Variants in HS3ST5 observed in about 807,000 individuals in gnomAD.
HS3ST5 encodes heparan sulfate glucosamine 3-O-sulfotransferase 5.
A neutral mutation model predicts 25.4 loss-of-function variants in HS3ST5; 10 were observed. The ratio of observed to expected loss-of-function variants is 0.39; its 90% CI spans 0.24 to 0.67. The LOEUF is 0.67. HS3ST5 is among the 30% of genes least tolerant of loss of function. HS3ST5 has a pLI of 0.44. For synonymous variants in HS3ST5, 170 were observed against 162.4 expected, an observed-to-expected ratio of 1.05 and a Z score of -0.36; for missense variants, 324 against 420.7, an observed-to-expected ratio of 0.77 and a Z score of 2.01.
At chr6:114,302,551 A>C (rs939507850) in intron 1 of HS3ST5, among the ~76,000 whole-genome samples, 1 of 152,230 alleles carries the variant, frequency 6.6e-6, no homozygotes, top group Admixed American at 6.5e-5. Context: ...ATGTGTAATA[A>C]TGAAAATTCT....
At chr6:114,177,387 C>T (rs777960454) in intron 2 of HS3ST5, among the ~76,000 whole-genome samples, 6 of 152,162 alleles carry the variant, frequency 3.9e-5, no homozygotes, top group Non-Finnish European at 7.3e-5. Flanking sequence ...TTCCTAAAGT[C>T]TTGACATTTT....
At chr6:114,101,698 G>A (rs1340181990) in intron 3 of HS3ST5, among the ~76,000 whole-genome samples, 1 of 152,026 alleles carries the variant, frequency 6.6e-6, no homozygotes, top group African/African-American at 2.4e-5. Flanking sequence ...CCCATTATTG[G>A]GTACATATCC....
intron 3 of HS3ST5, among the ~76,000 whole-genome samples, chr6:114,064,738 T>C (rs2114713038): frequency 6.6e-6 from 1 of 152,306 alleles, no homozygotes; most frequent in East Asian, 1.9e-4. Flanking sequence ...TAATGCATAC[T>C]TACAAATTGT....
At position 114,341,222 on chromosome 6, in the gene HS3ST5, G is replaced by GGAGAGAGAGAGAGAGAGAGAGAGAGA. The variant is rs4034605; in HGVS notation, c.-339+947_-339+972dup. Among the ~76,000 whole-genome samples, 16 of 46,630 alleles carry GGAGAGAGAGAGAGAGAGAGAGAGAGA rather than the reference G, an allele frequency of 3.4e-4. 1 individual carries two copies. Among genetic ancestry groups the GGAGAGAGAGAGAGAGAGAGAGAGAGA allele is most frequent in the African/African-American group, 8.7e-4 (7 of 8,026 alleles). The allele number at this position is 46,630 out of a possible 152,430, so 30.6% of individuals were successfully genotyped here. On this transcript the variant is annotated intron_variant, in intron 1 of 4. Transcript: ENST00000312719. Reference sequence around the variant, plus strand: ...AGGGAGAGGGAATAGGGAGAGAGGGGGAGAGAGAGAGAGAGAGAGAGAGAG... The same window carrying GGAGAGAGAGAGAGAGAGAGAGAGAGA: ...AGGGAGAGGGAATAGGGAGAGAGGGGGAGAGAGAGAGAGAGAGAGAGAGAGAGAGAGAGAGAGAGAGAGAGAGAGAG...
intron 3 of HS3ST5, among the ~76,000 whole-genome samples, chr6:114,064,531 G>A (rs1343219475): frequency 3.3e-5 from 5 of 152,190 alleles, no homozygotes; most frequent in African/African-American, 4.8e-5. Flanking sequence ...GAGACGGTAG[G>A]AGGGCATCCT....
chr6:114,220,659 AT>A (rs1328503984), intron 2 of HS3ST5: 8 of 151,870 alleles, frequency 5.3e-5, no homozygotes, highest in Non-Finnish European at 1.5e-5. Flanking sequence ...AAATAATTTC[AT>A]TTATTTTTCA....
chr6:114,147,456 T>C (rs1380814535), intron 3 of HS3ST5, among the ~76,000 whole-genome samples: 1 of 152,084 alleles, frequency 6.6e-6, no homozygotes, highest in African/African-American at 2.4e-5. Context: ...ACTTCAACCA[T>C]GAAGATGAAG....
At chr6:114,138,094 G>C (rs967758024) in intron 3 of HS3ST5, among the ~76,000 whole-genome samples, 2 of 152,016 alleles carry the variant, frequency 1.3e-5, no homozygotes, top group Non-Finnish European at 2.9e-5. Context: ...ACATTGGTCA[G>C]ATGGAGAAGT....
Position 114,333,379 on chromosome 6 carries a change from G to A in HS3ST5, c.-339+8816C>T, listed in dbSNP as rs1776481486. 2.0e-5 allele frequency among the ~76,000 whole-genome samples: 3 copies of A among 152,084 alleles called. No individual in the cohort carries two copies. The South Asian group carries it at 6.2e-4, about 32-fold the overall frequency. On this transcript the variant is annotated intron_variant, in intron 1 of 4. Transcript: ENST00000312719. ...AAATAACATAAAGTATTTGAGAAGA[G>A]GTAACCTTAAAAAAGTAATGGTGTA...
intron 2 of HS3ST5, among the ~76,000 whole-genome samples, chr6:114,175,483 C>T (rs139500392): frequency 6.6e-6 from 1 of 152,292 alleles, no homozygotes; most frequent in East Asian, 1.9e-4. Flanking sequence ...CATTAGCTGA[C>T]CTCCTCAGAC....
intron 1 of HS3ST5, among the ~76,000 whole-genome samples, chr6:114,309,448 C>A (rs768453848): frequency 1.3e-4 from 20 of 152,166 alleles, no homozygotes; most frequent in Non-Finnish European, 2.5e-4. Context: ...TGTGGTGGCT[C>A]ACACCTATAA....
chr6:114,268,873 G>A (rs1337992272), intron 1 of HS3ST5, among the ~76,000 whole-genome samples: 1 of 152,190 alleles, frequency 6.6e-6, no homozygotes, highest in Non-Finnish European at 1.5e-5. Context: ...AGGCAGAGCT[G>A]ACCACAGAAG....
chr6:114,289,473 T>C (rs1275964854), intron 1 of HS3ST5, among the ~76,000 whole-genome samples: 3 of 152,268 alleles, frequency 2.0e-5, no homozygotes, highest in South Asian at 4.1e-4. Flanking sequence ...TATTTTTAAA[T>C]GGCCCCAGTC....
At chr6:114,255,102 A>G (rs1428491316) in intron 1 of HS3ST5, among the ~76,000 whole-genome samples, 2 of 152,238 alleles carry the variant, frequency 1.3e-5, no homozygotes, top group African/African-American at 4.8e-5. Context: ...AAAGCAAGCT[A>G]GTTACCTGCT....
intron 3 of HS3ST5, among the ~76,000 whole-genome samples, chr6:114,132,929 T>C (rs760067518): frequency 2.6e-4 from 39 of 152,196 alleles, no homozygotes; most frequent in Non-Finnish European, 1.6e-4. Flanking sequence ...AACATTTTCA[T>C]TGTTCTGTCC....
intron 1 of HS3ST5, among the ~76,000 whole-genome samples, chr6:114,326,811 C>T (rs1776193276): frequency 1.3e-5 from 2 of 151,760 alleles, no homozygotes; most frequent in East Asian, 1.9e-4. Context: ...GCCCTTGAAT[C>T]CTGTAAACTT....
chr6:114,269,678 A>G (rs1471103574), intron 1 of HS3ST5, among the ~76,000 whole-genome samples: 4 of 152,198 alleles, frequency 2.6e-5, no homozygotes, highest in Non-Finnish European at 4.4e-5. Context: ...GAAATATACA[A>G]GAGTCCATTT....
intron 1 of HS3ST5, among the ~76,000 whole-genome samples, chr6:114,269,587 T>A (rs1181710930): frequency 2.0e-5 from 3 of 152,178 alleles, no homozygotes. Context: ...TATGGCATCA[T>A]AAGCTCATTC....
At chr6:114,166,795 T>C (rs1421003088) in intron 3 of HS3ST5, among the ~76,000 whole-genome samples, 1 of 152,146 alleles carries the variant, frequency 6.6e-6, no homozygotes, top group East Asian at 1.9e-4. Context: ...GAACATAAAA[T>C]ACTTGTTGAG....
Sources: gnomAD v4.1 joint callset for allele counts (sites outside exome capture counted in the v4.1 genomes callset) on GRCh38, gnomAD v4.1.1 for gene constraint, MANE v1.5 for transcripts, NCBI Gene and HGNC (gene_info 2026-07-23, HGNC 2026-07-21) for gene names.